WNK1: variants seen among roughly 807,000 people sequenced by gnomAD.
The protein encoded by WNK1 is WNK lysine deficient protein kinase 1.
WNK1 carries 38 observed loss-of-function variants against 222.8 expected under a neutral mutation model. The observed-to-expected ratio is 0.17, with a 90% CI of 0.13 to 0.22. The LOEUF is 0.22. Among genes scored for constraint, WNK1 ranks in the 10% least tolerant of loss-of-function variants. The pLI is 1.00. For missense variants in WNK1, 2,348 were observed against 2,918.4 expected (o/e 0.80, Z 4.50); for synonymous variants, 1,090 against 1,092.9 (o/e 1.00, Z 0.05).
At chr12:788,452 A>C in intron 1 of WNK1, among the ~76,000 whole-genome samples, 1 of 152,192 alleles carries the variant, frequency 6.6e-6, no homozygotes, top group Non-Finnish European at 1.5e-5. Context: ...ATATTTCTAA[A>C]AGTTTGTGAG....
rs927285926 is a variant in WNK1 at position 758,989 on chromosome 12, A to G, written c.759+4665A>G. On this transcript the variant is annotated intron_variant, in intron 1 of 27. Coordinates refer to ENST00000315939, the MANE Select transcript of WNK1 (RefSeq NM_018979.4). ...CATTTAAAATTTATCTTATTCCACC[A>G]GCAGCTTATCAAAGAATTTCAAAAA... Among the ~76,000 whole-genome samples, 16 of 145,054 alleles carry G rather than the reference A, an allele frequency of 1.1e-4. 1 individual carries two copies. The highest frequency in any genetic ancestry group is 7.5e-4 in the Admixed American group (11 of 14,612).
In WNK1 at chr12:753,860, C is replaced by T. The variant is rs563691424; in HGVS notation, c.295C>T (p.Pro99Ser). Residue 99 changes from proline to serine, a missense_variant, in exon 1 of 28, where the codon CCT (proline) becomes TCT (serine). By Grantham distance (74) the Pro-to-Ser change is moderately conservative (BLOSUM62 -1). Around this residue, in one of 13 missense-constraint regions of WNK1, gnomAD observed 185 missense variants for 159.2 expected, o/e 1.16. Coordinates refer to ENST00000315939, the MANE Select transcript of WNK1 (RefSeq NM_018979.4). The surrounding 1 kb of genome is among the most constrained non-coding windows in gnomAD (Gnocchi z 5.2). ...CACTGCACTGGAGCTTCCCGGCCTT[C>T]CTCTTTCCCTGCCCCAGCCCAGCAT... ...NATALELPGL[P>S]LSLPQPSIPA... The T allele has an allele frequency of 4.2e-5, 67 of 1,612,610 alleles. No homozygotes were observed. The Middle Eastern group carries it at 1.5e-3, about 36-fold the overall frequency.
rs373157244 is a variant in WNK1 at position 879,651 on chromosome 12, G to A, written c.2452G>A (p.Val818Ile). The A allele has an allele frequency of 1.1e-5, 18 of 1,612,682 alleles. No individual in the cohort carries two copies. In the African/African-American group the frequency reaches 1.9e-4, roughly 17 times the overall value. Residue 818 changes from valine (V) to isoleucine (I), a missense_variant, in exon 11 of 28, where the codon GTC becomes ATC. This residue lies in a region of WNK1 where 547 missense variants were observed against 558.3 expected (regional missense o/e 0.98). Coordinates refer to ENST00000315939, the MANE Select transcript of WNK1 (RefSeq NM_018979.4). ...TGCGACACAACCCTCGGTTGTTCCA[G>A]TCCACTCTGGTGCTCATTTCCTTCC... ...PVATQPSVVP[V>I]HSGAHFLPVG...
intron 1 of WNK1, among the ~76,000 whole-genome samples, chr12:812,517 G>A (rs1456033625): frequency 6.6e-6 from 1 of 152,180 alleles, no homozygotes; most frequent in Non-Finnish European, 1.5e-5. Flanking sequence ...TAAGTGTTAT[G>A]TAAGAGGCAT....
intron 23 of WNK1, 128 bp from the exon 24 acceptor site, chr12:895,943 G>A: frequency 2.4e-6 from 3 of 1,270,048 alleles, no homozygotes; most frequent in Admixed American, 4.1e-5. Flanking sequence ...GAGGCGCTAT[G>A]TAAAGAGACA....
At chr12:791,423 A>G (rs1029478920) in intron 1 of WNK1, among the ~76,000 whole-genome samples, 2 of 152,166 alleles carry the variant, frequency 1.3e-5, no homozygotes, top group African/African-American at 4.8e-5. Flanking sequence ...TATAAATTAT[A>G]TCATGTATGT....
At position 757,821 on chromosome 12, in the gene WNK1, C is replaced by T. The variant is rs749633099; in HGVS notation, c.759+3497C>T. ...GGGAGGCCGAGGCGGGTGGATCACG[C>T]GGTCAGGAGTTCGAGAACAGCCTGG... On this transcript the variant is annotated intron_variant, in intron 1 of 27. Transcript: ENST00000315939. 2.7e-4 allele frequency among the ~76,000 whole-genome samples: 40 copies of T among 146,400 alleles called. 3 individuals carry two copies. The highest frequency in any genetic ancestry group is 7.9e-4 in the East Asian group (4 of 5,092).
rs929527481 is a variant in WNK1, at chr12:754,020, C to T, written c.455C>T (p.Ala152Val). The change falls in exon 1 of 28, where the codon GCC becomes GTC. Residue 152 changes from alanine (A) to valine (V), a missense_variant. By Grantham distance (64) the Ala-to-Val change is moderately conservative. Transcript: ENST00000315939. ...GGGGAACAGGCCGTCGCGGGCCCTG[C>T]CCCCTCGACTGTCCCCAGCAGTACC... ...APGEQAVAGP[A>V]PSTVPSSTSK... The T allele has an allele frequency of 5.0e-6, 8 of 1,587,416 alleles. No individual in the cohort carries two copies. Among genetic ancestry groups the T allele is most frequent in the African/African-American group, 4.0e-5 (3 of 74,378 alleles).
chr12:773,173 G>A (rs1168842520), intron 1 of WNK1, among the ~76,000 whole-genome samples: 1 of 152,146 alleles, frequency 6.6e-6, no homozygotes, highest in East Asian at 1.9e-4. Flanking sequence ...CAGGAGAATC[G>A]CTTGAACCCG....
At chr12:868,884 C>T (rs781638803) in intron 8 of WNK1, 1 of 1,608,786 alleles carries the variant, frequency 6.2e-7, no homozygotes, top group East Asian at 2.2e-5. Context: ...TCCAGTGATT[C>T]CTCACAAATC....
chr12:808,940 T>C (rs1946649612), intron 1 of WNK1, among the ~76,000 whole-genome samples: 1 of 151,938 alleles, frequency 6.6e-6, no homozygotes, highest in Non-Finnish European at 1.5e-5. Context: ...ATTTTTGTAT[T>C]TTTAGTAGAA....
Position 908,734 on chromosome 12 carries a change from TC to T in WNK1, c.7092del (p.Ser2365AlafsTer25), listed in dbSNP as rs1565626117. On this transcript the variant is annotated frameshift_variant, in exon 28 of 28. Transcript: ENST00000315939. LOFTEE classifies it high-confidence loss of function. Reference sequence around the variant, plus strand: ...ACTGCCTCCTTGCAGAATTTCAACATCAGCAATTTGCAGAAATCCATCAGCA... The same window carrying T: ...ACTGCCTCCTTGCAGAATTTCAACATAGCAATTTGCAGAAATCCATCAGCA... ...VGTASLQNFN[I>X]SNLQKSISNP... 1.2e-6 allele frequency: 2 copies of T among 1,613,190 alleles called. No individual in the cohort carries two copies. The highest frequency in any genetic ancestry group is 3.3e-5 in the Admixed American group (2 of 59,818).
intron 1 of WNK1, among the ~76,000 whole-genome samples, chr12:771,244 G>T (rs145530308): frequency 6.6e-6 from 1 of 151,952 alleles, no homozygotes; most frequent in African/African-American, 2.4e-5. Context: ...TGATCCGCCC[G>T]CCTCTGCCTC....
At chr12:890,749 T>A (rs1185113260) in intron 22 of WNK1, among the ~76,000 whole-genome samples, 1 of 152,212 alleles carries the variant, frequency 6.6e-6, no homozygotes, top group African/African-American at 2.4e-5. Flanking sequence ...CTATGCCAGA[T>A]CCTTGCTATT....
intron 3 of WNK1, among the ~76,000 whole-genome samples, chr12:828,457 A>G (rs1441997518): frequency 6.6e-6 from 1 of 152,148 alleles, no homozygotes; most frequent in African/African-American, 2.4e-5. Context: ...CAACCTCAAT[A>G]CTACTGAGAT....
At chr12:828,174 C>T (rs1353000153) in intron 3 of WNK1, among the ~76,000 whole-genome samples, 2 of 151,096 alleles carry the variant, frequency 1.3e-5, no homozygotes, top group Admixed American at 6.6e-5. Flanking sequence ...GGTGTGGTGG[C>T]GGGTGCCTGT....
chr12:816,688 T>C (rs1212914370), intron 2 of WNK1, among the ~76,000 whole-genome samples: 2 of 152,220 alleles, frequency 1.3e-5, no homozygotes, highest in East Asian at 3.9e-4. Context: ...TACATGATAA[T>C]TGATCAGGAA....
At chr12:875,729 C>T (rs1460030834) in intron 9 of WNK1, among the ~76,000 whole-genome samples, 1 of 152,146 alleles carries the variant, frequency 6.6e-6, no homozygotes, top group African/African-American at 2.4e-5. Flanking sequence ...TTATGTTATG[C>T]CAGAAAACTG....
chr12:894,971 G>A (rs915914552), intron 23 of WNK1, among the ~76,000 whole-genome samples: 3 of 152,054 alleles, frequency 2.0e-5, no homozygotes, highest in Non-Finnish European at 4.4e-5. Context: ...AAATGTTACA[G>A]CTTTTTTTCC....
Sources: allele counts gnomAD v4.1 joint callset (sites outside exome capture counted in the v4.1 genomes callset), GRCh38; gene constraint gnomAD v4.1.1; regional missense constraint gnomAD v4.1.1; non-coding constraint Gnocchi (gnomAD v3.1); transcripts MANE v1.5; gene names NCBI Gene and HGNC (gene_info 2026-07-23, HGNC 2026-07-21).